Variants in RBM20 observed in about 807,000 individuals in gnomAD.
RBM20 encodes the protein RNA binding motif protein 20.
In RBM20, 51 loss-of-function variants were observed where a neutral mutation model predicts 110.1. That is an observed-to-expected ratio of 0.46 (90% CI 0.37 to 0.59). RBM20 has a LOEUF of 0.59. Among genes scored for constraint, RBM20 ranks in the 20% least tolerant of loss-of-function variants. The pLI, the probability that RBM20 is intolerant of heterozygous loss-of-function variation, is 0.00. For missense variants in RBM20, 1,512 were observed against 1,574.9 expected, an observed-to-expected ratio of 0.96 and a Z score of 0.68; for synonymous variants, 589 against 618.2, an observed-to-expected ratio of 0.95 and a Z score of 0.70.
At chr10:110,808,829 C>A (rs1844726996) in intron 7 of RBM20, among the ~76,000 whole-genome samples, 1 of 152,164 alleles carries the variant, frequency 6.6e-6, no homozygotes, top group Non-Finnish European at 1.5e-5. Flanking sequence ...AGCACTCATA[C>A]CATGCTAGGC....
chr10:110,807,563 G>A (rs1844710429), intron 7 of RBM20, among the ~76,000 whole-genome samples: 1 of 152,188 alleles, frequency 6.6e-6, no homozygotes, highest in African/African-American at 2.4e-5. Flanking sequence ...AATGCCTCTG[G>A]CCCTGACATT....
Position 110,794,120 on chromosome 10 carries a change from T to C in RBM20, c.1528-3388T>C, listed in dbSNP as rs117673437. 8.1e-3 allele frequency among the ~76,000 whole-genome samples: 1,237 copies of C among 152,250 alleles called. 41 individuals are homozygous for C. The highest frequency in any genetic ancestry group is 0.061 in the Admixed American group (931 of 15,294). ...TTTCCTCCTTCGCTCCCTCCCTTTTTCCCTCATGATTCAGATCTCCCACAG... is the reference window on the plus strand; with the variant it reads ...TTTCCTCCTTCGCTCCCTCCCTTTTCCCCTCATGATTCAGATCTCCCACAG... On this transcript the variant is annotated intron_variant, in intron 5 of 13. Transcript: ENST00000369519.
intron 1 of RBM20, among the ~76,000 whole-genome samples, chr10:110,703,467 A>G (rs1862790014): frequency 6.6e-6 from 1 of 152,182 alleles, no homozygotes; most frequent in South Asian, 2.1e-4. Flanking sequence ...GAGATTTCCC[A>G]TGTACCATTT....
chr10:110,797,382 A>T (rs1399527526), intron 5 of RBM20, 126 bp from the exon 6 acceptor site: 3 of 964,024 alleles, frequency 3.1e-6, no homozygotes, highest in Non-Finnish European at 4.4e-6. Context: ...TTTTTTCTGC[A>T]TTAATTTTGT....
intron 1 of RBM20, among the ~76,000 whole-genome samples, chr10:110,762,463 G>A (rs1660280152): frequency 1.3e-5 from 2 of 152,186 alleles, no homozygotes; most frequent in Admixed American, 6.5e-5. Context: ...GTAAGAGCTA[G>A]GACCATACAA....
intron 1 of RBM20, among the ~76,000 whole-genome samples, chr10:110,688,194 G>T (rs906351781): frequency 2.0e-5 from 3 of 152,252 alleles, no homozygotes; most frequent in Admixed American, 1.3e-4. Flanking sequence ...AATACAAATA[G>T]CTCTGAAAAC....
intron 1 of RBM20, among the ~76,000 whole-genome samples, chr10:110,709,014 G>A (rs1346426968): frequency 6.6e-6 from 1 of 152,216 alleles, no homozygotes; most frequent in Non-Finnish European, 1.5e-5. Flanking sequence ...GCTATCAATT[G>A]TAGTGTGTCT....
chr10:110,763,275 G>A (rs1200855620), intron 1 of RBM20, among the ~76,000 whole-genome samples: 1 of 151,790 alleles, frequency 6.6e-6, no homozygotes, highest in African/African-American at 2.4e-5. Context: ...CAGGAGGGAA[G>A]CCCCCCTGAT....
Position 110,783,387 on chromosome 10 carries a change from G to C in RBM20, c.1297G>C (p.Gly433Arg). 1 of 1,551,516 alleles carries C rather than the reference G, an allele frequency of 6.4e-7. No homozygotes were observed. The highest frequency in any genetic ancestry group is 8.7e-7 in the Non-Finnish European group (1 of 1,146,810). Reference protein sequence around the residue: ...DLKDWELHVKGKLHAQKCLVF... With the variant: ...DLKDWELHVKRKLHAQKCLVF... ...CTAGGACTGGGAGCTGCATGTGAAAGGGAAGCTGCACGCTCAGAAATGCCT... is the reference window on the plus strand; with the variant it reads ...CTAGGACTGGGAGCTGCATGTGAAACGGAAGCTGCACGCTCAGAAATGCCT... Residue 433 changes from glycine to arginine, a missense_variant, in exon 3 of 14, where the codon GGG becomes CGG. This residue lies in a region of RBM20 where 1,149 missense variants were observed against 1,169.4 expected (regional missense o/e 0.98). Transcript: ENST00000369519.
chr10:110,745,663 C>A (rs1333191266), intron 1 of RBM20, among the ~76,000 whole-genome samples: 1 of 152,164 alleles, frequency 6.6e-6, no homozygotes, highest in East Asian at 1.9e-4. Flanking sequence ...TCAGGAGTAG[C>A]CGTCATATCC....
At chr10:110,735,704 G>A (rs77341486) in intron 1 of RBM20, among the ~76,000 whole-genome samples, 2,155 of 152,286 alleles carry the variant, frequency 0.014, 52 homozygotes, top group African/African-American at 0.049. Flanking sequence ...GTCATCTAGC[G>A]CATGAGCATG....
chr10:110,743,466 G>A (rs1400409475), intron 1 of RBM20, among the ~76,000 whole-genome samples: 1 of 152,018 alleles, frequency 6.6e-6, no homozygotes, highest in African/African-American at 2.4e-5. Context: ...TAATTACTAG[G>A]TTTTAATGGT....
chr10:110,820,182 G>C lies in RBM20; in HGVS notation c.2655+6G>C. 6.5e-7 allele frequency: 1 copy of C among 1,542,728 alleles called. No homozygotes were observed. The highest frequency in any genetic ancestry group is 8.8e-7 in the Non-Finnish European group (1 of 1,138,946). Reference sequence around the variant, plus strand: ...AAAACACAAGGACAAAGAAGGTAAAGTTTGTTTCAGATTCTGCACTTCTGC... The same window carrying C: ...AAAACACAAGGACAAAGAAGGTAAACTTTGTTTCAGATTCTGCACTTCTGC... On this transcript the variant is annotated splice_donor_region_variant and intron_variant, in intron 10 of 13. Coordinates refer to ENST00000369519, the MANE Select transcript of RBM20 (RefSeq NM_001134363.3).
chr10:110,737,042 T>C (rs922903259), intron 1 of RBM20, among the ~76,000 whole-genome samples: 1 of 151,318 alleles, frequency 6.6e-6, no homozygotes, highest in Admixed American at 6.6e-5. Flanking sequence ...CCGGGCATGG[T>C]GTTGCGCGCC....
chr10:110,742,980 T>C (rs1309819281), intron 1 of RBM20, among the ~76,000 whole-genome samples: 2 of 152,210 alleles, frequency 1.3e-5, no homozygotes, highest in African/African-American at 4.8e-5. Context: ...CGGCCCGGGC[T>C]GTCATCAAGT....
chr10:110,707,655 G>A (rs559218266), intron 1 of RBM20, among the ~76,000 whole-genome samples: 2 of 152,282 alleles, frequency 1.3e-5, no homozygotes, highest in South Asian at 2.1e-4. Context: ...AATAAGGTAG[G>A]CACAGAAAGA....
intron 1 of RBM20, among the ~76,000 whole-genome samples, chr10:110,757,216 G>A (rs999251243): frequency 6.6e-6 from 1 of 152,138 alleles, no homozygotes; most frequent in Non-Finnish European, 1.5e-5. Flanking sequence ...AGCACACACT[G>A]TTTTTCTTTG....
chr10:110,698,041 G>A lies in RBM20; in HGVS notation c.191+53396G>A, dbSNP rs182161383. Among the ~76,000 whole-genome samples the A allele has an allele frequency of 3.4e-3, 515 of 151,872 alleles. 3 individuals carry two copies. Among genetic ancestry groups the A allele is most frequent in the Admixed American group, 0.011 (175 of 15,254 alleles). Reference sequence around the variant, plus strand: ...TCCTGCCTCAGCCTCCCGAGTAGCTGGGACTACAGGCGCCCACCAACACGC... The same window carrying A: ...TCCTGCCTCAGCCTCCCGAGTAGCTAGGACTACAGGCGCCCACCAACACGC... On this transcript the variant is annotated intron_variant, in intron 1 of 13. Coordinates refer to ENST00000369519, the MANE Select transcript of RBM20 (RefSeq NM_001134363.3).
intron 1 of RBM20, among the ~76,000 whole-genome samples, chr10:110,685,836 C>G (rs1012766056): frequency 2.0e-5 from 3 of 152,068 alleles, no homozygotes; most frequent in Admixed American, 2.0e-4. Context: ...CAAATTGAAA[C>G]TAACACACTG....
Sources: allele counts gnomAD v4.1 joint callset (sites outside exome capture counted in the v4.1 genomes callset), GRCh38; gene constraint gnomAD v4.1.1; regional missense constraint gnomAD v4.1.1; transcripts MANE v1.5; gene names NCBI Gene and HGNC (gene_info 2026-07-23, HGNC 2026-07-21).